SLC7A11: variants seen among roughly 807,000 people sequenced by gnomAD.
SLC7A11 encodes solute carrier family 7 member 11, also known as cystine/glutamate transporter.
SLC7A11 carries 35 observed loss-of-function variants against 54.5 expected under a neutral mutation model. That is an observed-to-expected ratio of 0.64 (90% confidence interval 0.49 to 0.85). The LOEUF (loss-of-function observed/expected upper bound fraction) is 0.85, where lower values mean the gene tolerates loss of function less well. Ranked by LOEUF, SLC7A11 falls within the 40% of genes least tolerant of loss-of-function variation. The pLI is 0.00. For synonymous variants in SLC7A11, 230 were observed against 225.2 expected, an observed-to-expected ratio of 1.02 and a Z score of -0.19; for missense variants, 583 against 618.1, an observed-to-expected ratio of 0.94 and a Z score of 0.60.
intron 4 of SLC7A11, among the ~76,000 whole-genome samples, chr4:138,219,756 T>C (rs1276472291): frequency 1.3e-5 from 2 of 152,042 alleles, no homozygotes; most frequent in African/African-American, 2.4e-5. Flanking sequence ...GGCAAGAAAA[T>C]GCGGAGAGGT....
intron 1 of SLC7A11, 146 bp downstream of exon 1, chr4:138,241,647 T>A (rs770217332): frequency 1.8e-5 from 11 of 626,216 alleles, no homozygotes; most frequent in Non-Finnish European, 2.6e-5. Flanking sequence ...TGCATCTGGG[T>A]AGTTCACGTA....
chr4:138,237,163 A>G (rs1007530370), intron 1 of SLC7A11, among the ~76,000 whole-genome samples: 7 of 149,976 alleles, frequency 4.7e-5, no homozygotes, highest in African/African-American at 1.7e-4. Flanking sequence ...TTTTTTTTGT[A>G]TTTTTAGTAG....
chr4:138,214,060 TAGAA>T (rs1578658148), intron 6 of SLC7A11, among the ~76,000 whole-genome samples: 1 of 152,054 alleles, frequency 6.6e-6, no homozygotes, highest in South Asian at 2.1e-4. Flanking sequence ...AGTTGTTACC[TAGAA>T]AGAAAGAGTA....
chr4:138,239,661 C>T (rs1292008286), intron 1 of SLC7A11, among the ~76,000 whole-genome samples: 3 of 150,070 alleles, frequency 2.0e-5, no homozygotes, highest in Non-Finnish European at 4.4e-5. Flanking sequence ...GTCTCCTTAG[C>T]TGTTTCTCTC....
At chr4:138,173,651 A>G (rs1195755405) in intron 11 of SLC7A11, among the ~76,000 whole-genome samples, 1 of 151,298 alleles carries the variant, frequency 6.6e-6, no homozygotes, top group Non-Finnish European at 1.5e-5. Flanking sequence ...AAAAAAAAGT[A>G]TTTTTTTCAT....
intron 6 of SLC7A11, among the ~76,000 whole-genome samples, chr4:138,186,430 G>A (rs1736882539): frequency 6.6e-6 from 1 of 152,102 alleles, no homozygotes; most frequent in Admixed American, 6.6e-5. Context: ...ATACCGAACA[G>A]CGATATCCCC....
chr4:138,185,632 T>C (rs1391621323), intron 6 of SLC7A11, among the ~76,000 whole-genome samples: 3 of 152,170 alleles, frequency 2.0e-5, no homozygotes, highest in Non-Finnish European at 2.9e-5. Context: ...GCATTCCTTA[T>C]ATGTTCCTAG....
intron 6 of SLC7A11, among the ~76,000 whole-genome samples, chr4:138,214,148 C>T (rs1376030236): frequency 6.6e-5 from 10 of 151,728 alleles, no homozygotes; most frequent in Non-Finnish European, 1.3e-4. Context: ...TGTAACTAGT[C>T]GTCTATTAAT....
chr4:138,201,029 T>G (rs1336739921), intron 6 of SLC7A11, among the ~76,000 whole-genome samples: 1 of 152,066 alleles, frequency 6.6e-6, no homozygotes, highest in Non-Finnish European at 1.5e-5. Context: ...AAGAGATTCT[T>G]CGGAAGAGGT....
At position 138,171,057 on chromosome 4, in the gene SLC7A11, T is replaced by C. The variant is rs1463594253; in HGVS notation, c.*899A>G. 1.3e-5 allele frequency: 2 copies of C among 152,204 alleles called. No individual in the cohort carries two copies. Among genetic ancestry groups the C allele is most frequent in the Non-Finnish European group, 2.9e-5 (2 of 68,024 alleles). 9.4% of individuals were successfully genotyped at this position (152,204 alleles called of 1,614,324 possible). On this transcript the variant is annotated 3_prime_UTR_variant, in exon 12 of 12. Transcript: ENST00000280612. Reference sequence around the variant, plus strand: ...GAACATCTTCTTTGTTGGTGATTTCTCTCATGTTGATAATGTAATTTGAAG... The same window carrying C: ...GAACATCTTCTTTGTTGGTGATTTCCCTCATGTTGATAATGTAATTTGAAG...
Position 138,210,892 on chromosome 4 carries a change from T to C in SLC7A11, c.791+3693A>G, listed in dbSNP as rs181748389. Among the ~76,000 whole-genome samples the C allele has an allele frequency of 4.5e-3, 687 of 152,242 alleles. 2 individuals are homozygous for C. The highest frequency in any genetic ancestry group is 7.9e-3 in the Admixed American group (120 of 15,234). On this transcript the variant is annotated intron_variant, in intron 6 of 11. Transcript: ENST00000280612. ...CTATTTGACTCAGCAATTCCATTAT[T>C]GGTTATATATCCAGAGGAAAATAAG...
Position 138,171,859 on chromosome 4 carries a change from C to A in SLC7A11, c.*97G>T. On this transcript the variant is annotated 3_prime_UTR_variant, in exon 12 of 12. Transcript: ENST00000280612. The stretch of plus-strand genomic sequence containing the variant: ...AATAACTGACTCCTTTTGTTTATCA[C>A]CAAAGTTGTAATTCTCTAGACTTTC... 6.8e-7 allele frequency: 1 copy of A among 1,468,704 alleles called. No homozygotes were observed. 91.0% of individuals were successfully genotyped at this position (1,468,704 alleles called of 1,614,324 possible).
chr4:138,241,864 A>C lies in SLC7A11; in HGVS notation c.206T>G (p.Val69Gly). Reference sequence around the variant, plus strand: ...GCCCACGCTGCCCGTGTTCTGGAGCACGCCCTTAGGAGAGATGAAGATTCC... The same window carrying C: ...GCCCACGCTGCCCGTGTTCTGGAGCCCGCCCTTAGGAGAGATGAAGATTCC... ...GAGIFISPKG[V>G]LQNTGSVGMS... The change falls in exon 1 of 12, where the codon GTG (valine) becomes GGG (glycine). Residue 69 changes from valine (V) to glycine (G), a missense_variant. By Grantham distance (109) the Val-to-Gly change is moderately radical (BLOSUM62 -3). Transcript: ENST00000280612. 1 of 1,614,106 alleles carries C rather than the reference A, an allele frequency of 6.2e-7. No individual in the cohort carries two copies. Among genetic ancestry groups the C allele is most frequent in the Non-Finnish European group, 8.5e-7 (1 of 1,180,014 alleles).
chr4:138,179,472 C>T (rs1736666192), intron 10 of SLC7A11, 78 bp from the exon 11 acceptor site: 4 of 1,243,400 alleles, frequency 3.2e-6, no homozygotes, highest in Admixed American at 2.0e-5. Context: ...GCGTGTCAGT[C>T]ATGACATATA....
In SLC7A11 at chr4:138,204,357, C is replaced by T. The variant is rs190918017; in HGVS notation, c.791+10228G>A. On this transcript the variant is annotated intron_variant, in intron 6 of 11. Coordinates refer to ENST00000280612, the MANE Select transcript of SLC7A11 (RefSeq NM_014331.4). ...AAAGTAATCTGAGGTGCTACTTTTACGCTGCAATCAATCTACTTGTCAGAA... is the reference window on the plus strand; with the variant it reads ...AAAGTAATCTGAGGTGCTACTTTTATGCTGCAATCAATCTACTTGTCAGAA... Among the ~76,000 whole-genome samples, 533 of 152,076 alleles carry T rather than the reference C, an allele frequency of 3.5e-3. 1 individual carries two copies. Among genetic ancestry groups the T allele is most frequent in the Non-Finnish European group, 6.6e-3 (448 of 67,950 alleles).
intron 4 of SLC7A11, among the ~76,000 whole-genome samples, chr4:138,222,416 A>C (rs899000685): frequency 6.6e-6 from 1 of 152,212 alleles, no homozygotes; most frequent in Non-Finnish European, 1.5e-5. Context: ...AAGTTATGTC[A>C]TTCCTTTACA....
At chr4:138,209,571 AG>A (rs1423489679) in intron 6 of SLC7A11, among the ~76,000 whole-genome samples, 1 of 152,098 alleles carries the variant, frequency 6.6e-6, no homozygotes, top group Non-Finnish European at 1.5e-5. Flanking sequence ...TACAAAAATC[AG>A]TAGCATATCT....
At chr4:138,186,141 C>T (rs953670424) in intron 6 of SLC7A11, among the ~76,000 whole-genome samples, 1 of 152,222 alleles carries the variant, frequency 6.6e-6, no homozygotes. Context: ...TTTGATTCCA[C>T]GTTACCAATA....
intron 6 of SLC7A11, among the ~76,000 whole-genome samples, chr4:138,211,358 T>C (rs1330028816): frequency 1.3e-5 from 2 of 151,774 alleles, no homozygotes; most frequent in African/African-American, 4.8e-5. Context: ...AATATATCCA[T>C]ATAACAAATA....
Sources: allele counts gnomAD v4.1 joint callset (sites outside exome capture counted in the v4.1 genomes callset), GRCh38; gene constraint gnomAD v4.1.1; transcripts MANE v1.5; gene names NCBI Gene and HGNC (gene_info 2026-07-23, HGNC 2026-07-21).